The following RTN4 variants were observed in gnomAD, a reference collection of about 807,000 sequenced individuals.
The protein encoded by RTN4 is reticulon 4, also known as reticulon-4.
A neutral mutation model predicts 90.4 loss-of-function variants in RTN4; 32 were observed. The ratio of observed to expected loss-of-function variants is 0.35; its 90% CI spans 0.27 to 0.48. The LOEUF is 0.48. RTN4 is among the 20% of genes least tolerant of loss of function. RTN4 has a pLI of 0.99. For missense variants in RTN4, 1,706 were observed against 1,430.2 expected, an observed-to-expected ratio of 1.19 and a Z score of -3.11; for synonymous variants, 629 against 552.5, an observed-to-expected ratio of 1.14 and a Z score of -1.94.
At position 55,026,887 on chromosome 2, in the gene RTN4, A is replaced by G. The variant is rs1681932558; in HGVS notation, c.1212T>C (p.Asp404=). The G allele has an allele frequency of 6.2e-7, 1 of 1,613,730 alleles. No homozygotes were observed. The highest frequency in any genetic ancestry group is 8.5e-7 in the Non-Finnish European group (1 of 1,179,910). The part of the protein sequence containing the change: ...WEVKDSKEDS[D]MLAAGGKIES... ...CGATTTTACCTCCAGCAGCCAACAT[A>G]TCACTATCTTCCTTACTATCTTTCA... Residue 404 remains aspartate (D), a synonymous_variant, in exon 3 of 9, where the codon GAT becomes GAC. Coordinates refer to ENST00000337526, the MANE Select transcript of RTN4 (RefSeq NM_020532.5).
At chr2:55,058,806 T>A (rs1668236779) in intron 2 of RTN4, among the ~76,000 whole-genome samples, 1 of 152,242 alleles carries the variant, frequency 6.6e-6, no homozygotes, top group African/African-American at 2.4e-5. Flanking sequence ...TAGTTGCTCC[T>A]GGTACATTGT....
At chr2:55,126,815 T>TAC in the RTN4 span, among the ~76,000 whole-genome samples, 5,054 of 152,166 alleles carry the variant, frequency 0.033, 263 homozygotes, top group African/African-American at 0.11. Context: ...GAAAATATGG[T>TAC]ACACACACAC....
chr2:55,076,951 A>G (rs554369607), intron 2 of RTN4, among the ~76,000 whole-genome samples: 18 of 151,936 alleles, frequency 1.2e-4, no homozygotes, highest in Non-Finnish European at 2.4e-4. Context: ...CTTCCTAGCC[A>G]TGCAGAACTG....
rs535694285 is a variant in RTN4, at chr2:55,086,587, T to G, written c.-213-5948A>C. Among the ~76,000 whole-genome samples, 5 of 152,034 alleles carry G rather than the reference T, an allele frequency of 3.3e-5. No homozygotes were observed. The East Asian group carries it at 9.7e-4, about 29-fold the overall frequency. Reference sequence around the variant, plus strand: ...AGGGAGGCTGAGGTGGGAGGATCACTCAAGCCCACGATTTCGAGGCTGCAG... The same window carrying G: ...AGGGAGGCTGAGGTGGGAGGATCACGCAAGCCCACGATTTCGAGGCTGCAG... On this transcript the variant is annotated intron_variant, in intron 1 of 3. Transcript: ENST00000427710.
At chr2:55,071,543 CAAAA>C (rs71410418) in intron 2 of RTN4, among the ~76,000 whole-genome samples, 264 of 99,508 alleles carry the variant, frequency 2.7e-3, no homozygotes, top group Middle Eastern at 6.8e-3. Flanking sequence ...CATTTGCCAT[CAAAA>C]AAAAAAAAAA....
intron 1 of RTN4, among the ~76,000 whole-genome samples, chr2:55,093,303 C>T (rs1668973021): frequency 6.6e-6 from 1 of 151,772 alleles, no homozygotes; most frequent in Non-Finnish European, 1.5e-5. Flanking sequence ...CTCTAAATGG[C>T]TAAATGCATG....
intron 2 of RTN4, among the ~76,000 whole-genome samples, chr2:55,027,717 G>A (rs528899785): frequency 1.7e-3 from 261 of 152,238 alleles, no homozygotes; most frequent in African/African-American, 5.8e-3. Flanking sequence ...GCTGTGCAAA[G>A]ACAAATCAAG....
At position 54,974,050 on chromosome 2, in the gene RTN4, T is replaced by C. The variant is rs566224027; in HGVS notation, c.3431-183A>G. On this transcript the variant is annotated intron_variant, in intron 6 of 8. Transcript: ENST00000337526. ...AGCCACTCCAGAGGAATGAATGAAC[T>C]GTGTGAGGCTGCAGTTATTAGAGCT... 25 of 545,500 alleles carry C rather than the reference T, an allele frequency of 4.6e-5. No individual in the cohort carries two copies. In the African/African-American group the frequency reaches 4.7e-4, roughly 10 times the overall value. The allele number at this position is 545,500 out of a possible 1,614,324, so 33.8% of individuals were successfully genotyped here.
chr2:55,122,378 C>G, the RTN4 span, among the ~76,000 whole-genome samples: 16 of 152,304 alleles, frequency 1.1e-4, no homozygotes, highest in Non-Finnish European at 1.5e-4. Context: ...ACTTCCCCAC[C>G]AAGGTTTGCA....
chr2:55,124,344 A>T, the RTN4 span, among the ~76,000 whole-genome samples: 1 of 152,258 alleles, frequency 6.6e-6, no homozygotes, highest in Non-Finnish European at 1.5e-5. Flanking sequence ...GGGACACTTA[A>T]CCAAGGAGGC....
At chr2:55,068,689 T>TGG (rs1668437281) in intron 2 of RTN4, among the ~76,000 whole-genome samples, 1 of 57,400 alleles carries the variant, frequency 1.7e-5, no homozygotes, top group Non-Finnish European at 3.5e-5. Context: ...GGGGGGGGGG[T>TGG]GGGGGCTAGT....
At chr2:55,037,728 A>G (rs1002822393) in intron 1 of RTN4, among the ~76,000 whole-genome samples, 1 of 152,186 alleles carries the variant, frequency 6.6e-6, no homozygotes, top group African/African-American at 2.4e-5. Context: ...TATCCCCCCT[A>G]CTAATCTCTA....
intron 1 of RTN4, among the ~76,000 whole-genome samples, chr2:55,032,996 C>T (rs1682431027): frequency 3.3e-5 from 5 of 151,278 alleles, no homozygotes; most frequent in African/African-American, 1.2e-4. Flanking sequence ...CCACTGCACT[C>T]CACCCTGGAC....
the RTN4 span, among the ~76,000 whole-genome samples, chr2:55,124,974 T>C: frequency 2.0e-5 from 3 of 152,192 alleles, no homozygotes; most frequent in Non-Finnish European, 2.9e-5. Flanking sequence ...AAAGACTCCC[T>C]GTTCAATAAA....
chr2:55,053,441 C>T (rs1349377221), upstream of RTN4, among the ~76,000 whole-genome samples: 3 of 152,130 alleles, frequency 2.0e-5, no homozygotes, highest in African/African-American at 4.8e-5. Context: ...AATCCCCGCA[C>T]TTTGGGTGGC....
chr2:54,992,910 A>C (rs1679123251), intron 3 of RTN4, among the ~76,000 whole-genome samples: 2 of 151,730 alleles, frequency 1.3e-5, no homozygotes, highest in South Asian at 4.2e-4. Flanking sequence ...TCTACTAAAA[A>C]TACAAAAAAA....
chr2:55,131,216 GT>G, the RTN4 span, among the ~76,000 whole-genome samples: 19 of 145,716 alleles, frequency 1.3e-4, no homozygotes, highest in South Asian at 2.2e-4. Context: ...TGTTTTTTGG[GT>G]TTTTTTTTTG....
chr2:55,055,222 T>G (rs1668167531), upstream of RTN4, among the ~76,000 whole-genome samples: 1 of 151,774 alleles, frequency 6.6e-6, no homozygotes, highest in Admixed American at 6.6e-5. Context: ...ACGAGAAAGT[T>G]AATTTTGATC....
Position 55,011,616 on chromosome 2 carries a change from C to T in RTN4, c.3013+13470G>A, listed in dbSNP as rs1287274475. 7.9e-5 allele frequency among the ~76,000 whole-genome samples: 12 copies of T among 152,202 alleles called. No individual in the cohort carries two copies. The South Asian group carries it at 2.5e-3, about 32-fold the overall frequency. ...TAGAGATAATATTTTCTGGAACCTG[C>T]TATCTGTGGGCTGCAAAATCCTTAA... is the stretch of plus-strand genomic sequence containing the variant. On this transcript the variant is annotated intron_variant, in intron 3 of 8. Transcript: ENST00000337526.
Sources: allele counts gnomAD v4.1 joint callset (sites outside exome capture counted in the v4.1 genomes callset), GRCh38; gene constraint gnomAD v4.1.1; transcripts MANE v1.5; gene names NCBI Gene and HGNC (gene_info 2026-07-23, HGNC 2026-07-21).